Variants in POLR3C observed in about 807,000 individuals in gnomAD.
The protein encoded by POLR3C is RNA polymerase III subunit C, also known as DNA-directed RNA polymerase III subunit RPC3.
POLR3C carries 44 observed loss-of-function variants against 65.9 expected under a neutral mutation model. That is an observed-to-expected ratio of 0.67 (90% CI 0.52 to 0.86). The LOEUF (loss-of-function observed/expected upper bound fraction) is 0.86. POLR3C is among the 40% of genes least tolerant of loss of function. POLR3C has a pLI of 0.00. For missense variants in POLR3C, 576 were observed against 653.2 expected (o/e 0.88, Z 1.29); for synonymous variants, 263 against 231.6 (o/e 1.14, Z -1.23).
At chr1:145,835,144 C>CAAA (rs56819606) in intron 7 of POLR3C, among the ~76,000 whole-genome samples, 6 of 47,298 alleles carry the variant, frequency 1.3e-4, no homozygotes, top group South Asian at 7.8e-4. Context: ...AACCCTATTT[C>CAAA]AAAAAAAAAA....
In POLR3C at chr1:145,829,799, T is replaced by G. The variant is rs142401463; in HGVS notation, c.678+962T>G. On this transcript the variant is annotated intron_variant, in intron 5 of 14. Transcript: ENST00000334163. ...GCTTCAAATGTTTGTCCCCAGATCT[T>G]CATGTAGTGGTCTCTGTTTTTATCA... 5.2e-4 allele frequency among the ~76,000 whole-genome samples: 79 copies of G among 152,326 alleles called. No individual in the cohort carries two copies. The South Asian group carries it at 7.9e-3, about 15-fold the overall frequency.
chr1:145,834,450 T>C (rs1235905002), intron 7 of POLR3C, among the ~76,000 whole-genome samples: 6 of 150,710 alleles, frequency 4.0e-5, no homozygotes, highest in Non-Finnish European at 8.8e-5. Context: ...GTGGGTTGCC[T>C]GAGCTCAGGC....
chr1:145,842,294 C>A, intron 14 of POLR3C, 45 bp from the exon 15 acceptor site: 1 of 1,184,556 alleles, frequency 8.4e-7, no homozygotes, highest in Non-Finnish European at 1.2e-6. Flanking sequence ...CTTAAATATG[C>A]TAATGAACAT....
chr1:145,826,745 A>C, intron 3 of POLR3C, 36 bp downstream of exon 3: 1 of 1,612,544 alleles, frequency 6.2e-7, no homozygotes, highest in Non-Finnish European at 8.5e-7. Flanking sequence ...ACAAAAGCAT[A>C]GATCAGCTGG....
rs1007955823 is a variant in POLR3C, at chr1:145,844,090, G to A, written c.*1670G>A. Among the ~76,000 whole-genome samples, 9 of 152,200 alleles carry A rather than the reference G, an allele frequency of 5.9e-5. No individual in the cohort carries two copies. Among genetic ancestry groups the A allele is most frequent in the African/African-American group, 2.2e-4 (9 of 41,440 alleles). ...GGGAATGTAAATTGGTACAGCCACT[G>A]TGGAAGACTACAGAGGTTCCTCAAA... is the stretch of plus-strand genomic sequence containing the variant. On this transcript the variant is annotated 3_prime_UTR_variant, in exon 15 of 15. Transcript: ENST00000334163.
In POLR3C at chr1:145,836,554, A is replaced by T. The variant is rs1651864311; in HGVS notation, c.937A>T (p.Thr313Ser). The T allele has an allele frequency of 6.2e-7, 1 of 1,603,248 alleles. No individual in the cohort carries two copies. Among genetic ancestry groups the T allele is most frequent in the Non-Finnish European group, 8.5e-7 (1 of 1,170,426 alleles). Residue 313 changes from threonine (T) to serine (S), a missense_variant, in exon 8 of 15, where the codon ACT becomes TCT. By Grantham distance (58) the Thr-to-Ser change is moderately conservative. Transcript: ENST00000334163. ...TAAGCAAGTTCTTGATCAGTATCTC[A>T]CTCTGCTGGCAGATGATCCAGTAAG... ...ISKQVLDQYL[T>S]LLADDPLEFV...
intron 7 of POLR3C, among the ~76,000 whole-genome samples, chr1:145,836,126 T>G (rs1651807731): frequency 6.6e-6 from 1 of 151,736 alleles, no homozygotes; most frequent in Non-Finnish European, 1.5e-5. Flanking sequence ...AAACTTTTTT[T>G]TTTTTTTTTT....
chr1:145,826,507 G>A lies in POLR3C; in HGVS notation c.201G>A (p.Val67=). The change falls in exon 3 of 15, where the codon GTG becomes GTA. Residue 67 remains valine (V), a synonymous_variant. Coordinates refer to ENST00000334163, the MANE Select transcript of POLR3C (RefSeq NM_006468.8). ...LVQHNLVSYQ[V]HKRGVVEYEA... is the part of the protein sequence containing the mutation. ...AACATAACCTGGTGAGTTATCAAGT[G>A]CACAAACGTGGTGTGGTGGAGTATG... 6.2e-7 allele frequency: 1 copy of A among 1,613,706 alleles called. No homozygotes were observed. The highest frequency in any genetic ancestry group is 1.1e-5 in the South Asian group (1 of 91,078).
chr1:145,840,197 T>C, intron 13 of POLR3C, 32 bp downstream of exon 13: 1 of 1,369,370 alleles, frequency 7.3e-7, no homozygotes, highest in Non-Finnish European at 1.0e-6. Flanking sequence ...GTTATTTACA[T>C]CTTTCAAGAT....
chr1:145,833,954 T>C (rs1232795184), intron 7 of POLR3C, among the ~76,000 whole-genome samples: 3 of 152,250 alleles, frequency 2.0e-5, no homozygotes, highest in Non-Finnish European at 4.4e-5. Flanking sequence ...TTCATAGTAA[T>C]ACAGTCATGC....
Position 145,826,496 on chromosome 1 carries a change from A to T in POLR3C, c.190A>T (p.Ser64Cys), listed in dbSNP as rs1553725761. ...TGTCCTCGTCCAACATAACCTGGTG[A>T]GTTATCAAGTGCACAAACGTGGTGT... ...LCVLVQHNLV[S>C]YQVHKRGVVE... is the part of the protein sequence containing the mutation. The change falls in exon 3 of 15, where the codon AGT (serine) becomes TGT (cysteine). Residue 64 changes from serine to cysteine, a missense_variant. Coordinates refer to ENST00000334163, the MANE Select transcript of POLR3C (RefSeq NM_006468.8). The T allele has an allele frequency of 1.2e-6, 2 of 1,613,584 alleles. No individual in the cohort carries two copies. The highest frequency in any genetic ancestry group is 8.5e-7 in the Non-Finnish European group (1 of 1,179,786).
intron 2 of POLR3C, 27 bp downstream of exon 2, chr1:145,825,950 C>T (rs587692562): frequency 2.6e-6 from 4 of 1,562,716 alleles, no homozygotes; most frequent in South Asian, 2.3e-5. Context: ...TTCATTTTCT[C>T]TCATTTCTTT....
intron 4 of POLR3C, 32 bp from the exon 5 acceptor site, chr1:145,828,717 A>G (rs782446689): frequency 5.9e-6 from 8 of 1,363,896 alleles, no homozygotes; most frequent in Non-Finnish European, 8.4e-6. Flanking sequence ...CATATGAGAT[A>G]TAGTCTAAGT....
Position 145,826,474 on chromosome 1 carries a change from C to T in POLR3C, c.168C>T (p.Val56=). 1 of 1,613,652 alleles carries T rather than the reference C, an allele frequency of 6.2e-7. No homozygotes were observed. The part of the protein sequence containing the change: ...SLDQVKKALC[V]LVQHNLVSYQ... The stretch of plus-strand genomic sequence containing the variant: ...TTTAGGTGAAGAAAGCCCTGTGTGT[C>T]CTCGTCCAACATAACCTGGTGAGTT... The change falls in exon 3 of 15, where the codon GTC becomes GTT. Residue 56 remains valine, a synonymous_variant. Transcript: ENST00000334163.
chr1:145,832,760 A>G (rs1252963473), intron 5 of POLR3C, among the ~76,000 whole-genome samples: 2 of 152,170 alleles, frequency 1.3e-5, no homozygotes, highest in Non-Finnish European at 2.9e-5. Context: ...GTGGTGGCTC[A>G]CACCTATAAT....
At chr1:145,830,202 TA>T (rs35376292) in intron 5 of POLR3C, among the ~76,000 whole-genome samples, 53,984 of 141,866 alleles carry the variant, frequency 0.38, 9,807 homozygotes, top group African/African-American at 0.41. Flanking sequence ...CAAAACAGTT[TA>T]AAAAAAAAAA....
chr1:145,838,712 A>C (rs1652058660), intron 11 of POLR3C, among the ~76,000 whole-genome samples: 1 of 151,772 alleles, frequency 6.6e-6, no homozygotes, highest in Admixed American at 6.6e-5. Flanking sequence ...CAAAAAACAA[A>C]AAAGAGGCAG....
intron 4 of POLR3C, among the ~76,000 whole-genome samples, chr1:145,827,738 A>G (rs1373282189): frequency 7.4e-5 from 11 of 148,402 alleles, no homozygotes; most frequent in Non-Finnish European, 1.5e-4. Context: ...CAGCCTGGGC[A>G]ACAGAGCCAG....
At position 145,825,903 on chromosome 1, in the gene POLR3C, A is replaced by G; in HGVS notation, c.127A>G (p.Thr43Ala). The change falls in exon 2 of 15, where the codon ACA becomes GCA. Residue 43 changes from threonine (T) to alanine (A), a missense_variant. Physicochemically the swap from Thr to Ala is moderately conservative, Grantham distance 58 (BLOSUM62 0). Transcript: ENST00000334163. Reference protein sequence around the residue: ...SQPLRVIAHDTGTSLDQVKKA... With the variant: ...SQPLRVIAHDAGTSLDQVKKA... ...GCCACTAAGAGTAATTGCCCATGAC[A>G]CAGGAACATCACTGGATCAGGTATG... 1 of 1,613,346 alleles carries G rather than the reference A, an allele frequency of 6.2e-7. No homozygotes were observed. The highest frequency in any genetic ancestry group is 8.5e-7 in the Non-Finnish European group (1 of 1,179,290).
Sources: allele counts gnomAD v4.1 joint callset (sites outside exome capture counted in the v4.1 genomes callset), GRCh38; gene constraint gnomAD v4.1.1; transcripts MANE v1.5; gene names NCBI Gene and HGNC (gene_info 2026-07-23, HGNC 2026-07-21).